Variants in LRRC4C observed in about 807,000 individuals in gnomAD.
The protein encoded by LRRC4C is leucine-rich repeat-containing protein 4C.
Under a neutral mutation model 33.6 loss-of-function variants are expected in LRRC4C, and 5 were observed. That is an observed-to-expected ratio of 0.15 (90% confidence interval 0.08 to 0.31). The LOEUF (loss-of-function observed/expected upper bound fraction) is 0.31. Among genes scored for constraint, LRRC4C ranks in the 10% least tolerant of loss-of-function variants. The probability of loss-of-function intolerance (pLI) is 1.00; values close to 1 mark genes in which losing one functional copy is unlikely to be tolerated. For missense variants in LRRC4C, 560 were observed against 796.7 expected (o/e 0.70, Z 3.58); for synonymous variants, 329 against 302.0 (o/e 1.09, Z -0.93).
intron 1 of LRRC4C, among the ~76,000 whole-genome samples, chr11:41,318,600 TC>T (rs1165878254): frequency 6.6e-6 from 1 of 152,218 alleles, no homozygotes; most frequent in African/African-American, 2.4e-5. Context: ...CCACTTTTGC[TC>T]TGAGGTGCAT....
At chr11:40,438,903 C>G (rs12363757) in intron 3 of LRRC4C, among the ~76,000 whole-genome samples, 55,092 of 147,380 alleles carry the variant, frequency 0.37, 10,999 homozygotes, top group East Asian at 0.52. Context: ...TTCAAATCTA[C>G]AGGGTTAATT....
rs569523607 is a variant in LRRC4C at position 40,697,792 on chromosome 11, G to A, written c.-406-49514C>T. Among the ~76,000 whole-genome samples, 10 of 152,134 alleles carry A rather than the reference G, an allele frequency of 6.6e-5. No homozygotes were observed. The South Asian group carries it at 1.2e-3, about 19-fold the overall frequency. On this transcript the variant is annotated intron_variant, in intron 2 of 6. Transcript: ENST00000528697. ...TGCTGTTATTTTACAAAAATTGGCC[G>A]GGTGCCATGGCTCACACCTGTAATC...
intron 1 of LRRC4C, among the ~76,000 whole-genome samples, chr11:41,060,096 T>C (rs1339724636): frequency 6.6e-6 from 1 of 152,214 alleles, no homozygotes; most frequent in Admixed American, 6.5e-5. Context: ...AGTTGGCTTA[T>C]ATGCACATTA....
At chr11:40,799,296 A>T (rs1950951166) in intron 2 of LRRC4C, among the ~76,000 whole-genome samples, 1 of 152,150 alleles carries the variant, frequency 6.6e-6, no homozygotes, top group Admixed American at 6.5e-5. Context: ...ATGTGGATAT[A>T]AATGTATCAA....
chr11:40,377,480 C>T (rs755177551), intron 3 of LRRC4C, among the ~76,000 whole-genome samples: 2 of 152,052 alleles, frequency 1.3e-5, no homozygotes, highest in Admixed American at 6.6e-5. Context: ...GTGTCACATA[C>T]GTAATGTTTC....
At chr11:41,426,807 G>T (rs1955058273) in intron 1 of LRRC4C, among the ~76,000 whole-genome samples, 1 of 152,140 alleles carries the variant, frequency 6.6e-6, no homozygotes, top group African/African-American at 2.4e-5. Context: ...GCTAGACACT[G>T]CTGGGGTTGG....
intron 6 of LRRC4C, among the ~76,000 whole-genome samples, chr11:40,122,459 C>A (rs2134676275): frequency 6.6e-6 from 1 of 152,102 alleles, no homozygotes; most frequent in East Asian, 1.9e-4. Flanking sequence ...TCCCTGTGTC[C>A]ACGTGTTCTC....
chr11:40,253,005 C>A (rs1866907958), intron 4 of LRRC4C, among the ~76,000 whole-genome samples: 1 of 152,132 alleles, frequency 6.6e-6, no homozygotes, highest in Non-Finnish European at 1.5e-5. Context: ...TTAGAGACGT[C>A]TGAGACACTG....
intron 2 of LRRC4C, among the ~76,000 whole-genome samples, chr11:40,899,016 C>T (rs1956092615): frequency 2.0e-5 from 3 of 151,410 alleles, no homozygotes; most frequent in Admixed American, 1.3e-4. Flanking sequence ...GAATATACTG[C>T]ATTCTTCATG....
At chr11:41,176,550 C>T (rs971131181) in intron 1 of LRRC4C, among the ~76,000 whole-genome samples, 3 of 152,100 alleles carry the variant, frequency 2.0e-5, no homozygotes, top group Non-Finnish European at 4.4e-5. Flanking sequence ...TGAAAAAATA[C>T]TGGCCAAATC....
chr11:41,183,424 CA>C (rs1945543666), intron 1 of LRRC4C, among the ~76,000 whole-genome samples: 1 of 152,008 alleles, frequency 6.6e-6, no homozygotes, highest in African/African-American at 2.4e-5. Flanking sequence ...AGAAACTGGC[CA>C]AAACAAAGGG....
At chr11:40,327,080 A>G (rs1282576866) in intron 3 of LRRC4C, among the ~76,000 whole-genome samples, 2 of 152,194 alleles carry the variant, frequency 1.3e-5, no homozygotes, top group Non-Finnish European at 2.9e-5. Context: ...GCTGTTAGGA[A>G]ATCTTAATGC....
At chr11:40,980,579 G>A (rs1329175310) in intron 1 of LRRC4C, among the ~76,000 whole-genome samples, 2 of 152,006 alleles carry the variant, frequency 1.3e-5, no homozygotes, top group Admixed American at 6.6e-5. Context: ...CAAAAAAAAA[G>A]TCTAAGCAAT....
intron 1 of LRRC4C, among the ~76,000 whole-genome samples, chr11:41,063,430 A>G (rs1334890553): frequency 6.6e-6 from 1 of 152,200 alleles, no homozygotes; most frequent in Non-Finnish European, 1.5e-5. Context: ...CTAAGGGCTA[A>G]GAGGCAAATA....
chr11:41,411,348 C>A (rs1201953945), intron 1 of LRRC4C, among the ~76,000 whole-genome samples: 1 of 151,118 alleles, frequency 6.6e-6, no homozygotes, highest in Non-Finnish European at 1.5e-5. Flanking sequence ...CGGGGTTTCA[C>A]CGTGTTAGCC....
At chr11:40,491,670 T>C (rs911129867) in intron 3 of LRRC4C, among the ~76,000 whole-genome samples, 1 of 152,198 alleles carries the variant, frequency 6.6e-6, no homozygotes, top group African/African-American at 2.4e-5. Context: ...CTCTAAACCA[T>C]CTTTTAAATA....
At chr11:41,428,322 A>G (rs896313170) in intron 1 of LRRC4C, among the ~76,000 whole-genome samples, 3 of 152,114 alleles carry the variant, frequency 2.0e-5, no homozygotes, top group African/African-American at 7.2e-5. Context: ...GTGGGAGGTG[A>G]GAAAAAAGTA....
chr11:41,080,342 CTTTTTTTTT>C (rs71060997), intron 1 of LRRC4C, among the ~76,000 whole-genome samples: 1 of 103,434 alleles, frequency 9.7e-6, no homozygotes, highest in Non-Finnish European at 1.8e-5. Context: ...GAGTCTCCTC[CTTTTTTTTT>C]TTTTTTTTTT....
At chr11:40,651,668 G>A (rs556886589) in intron 2 of LRRC4C, among the ~76,000 whole-genome samples, 5 of 152,242 alleles carry the variant, frequency 3.3e-5, no homozygotes, top group East Asian at 3.9e-4. Context: ...TTATCAGAAG[G>A]TGATTCCATG....
Sources: gnomAD v4.1 joint callset for allele counts (sites outside exome capture counted in the v4.1 genomes callset) on GRCh38, gnomAD v4.1.1 for gene constraint, MANE v1.5 for transcripts, NCBI Gene and HGNC (gene_info 2026-07-23, HGNC 2026-07-21) for gene names.